Variants in RFX3 observed in about 807,000 individuals in gnomAD.
RFX3 encodes transcription factor RFX3.
Under a neutral mutation model 98.6 loss-of-function variants are expected in RFX3, and 14 were observed. The observed-to-expected ratio is 0.14, with a 90% CI of 0.09 to 0.22. The LOEUF (loss-of-function observed/expected upper bound fraction) is 0.22. Among genes scored for constraint, RFX3 ranks in the 10% least tolerant of loss-of-function variants. The pLI is 1.00. For missense variants in RFX3, 639 were observed against 926.9 expected (o/e 0.69, Z 4.03); for synonymous variants, 383 against 328.4 (o/e 1.17, Z -1.80).
At chr9:3,416,988 A>C (rs1843039829) in intron 1 of RFX3, among the ~76,000 whole-genome samples, 1 of 152,068 alleles carries the variant, frequency 6.6e-6, no homozygotes. Context: ...TTCTACAAGA[A>C]ATGCACTTTA....
chr9:3,309,533 A>G, intron 4 of RFX3, among the ~76,000 whole-genome samples: 1 of 151,810 alleles, frequency 6.6e-6, no homozygotes, highest in Non-Finnish European at 1.5e-5. Context: ...GCATCAAAAA[A>G]GAGATTTTGG....
At chr9:3,253,280 T>G (rs1315645773) in intron 14 of RFX3, among the ~76,000 whole-genome samples, 1 of 152,246 alleles carries the variant, frequency 6.6e-6, no homozygotes, top group Non-Finnish European at 1.5e-5. Context: ...GATCCTTATG[T>G]GAACTCACTC....
At chr9:3,315,941 G>C (rs970761699) in intron 4 of RFX3, among the ~76,000 whole-genome samples, 1 of 152,142 alleles carries the variant, frequency 6.6e-6, no homozygotes, top group Non-Finnish European at 1.5e-5. Context: ...AATTCTACTA[G>C]AGGTACAAAG....
chr9:3,310,739 G>A lies in RFX3; in HGVS notation c.475-9119C>T, dbSNP rs530954087. Among the ~76,000 whole-genome samples, 13 of 152,184 alleles carry A rather than the reference G, an allele frequency of 8.5e-5. No homozygotes were observed. In the South Asian group the frequency reaches 2.3e-3, roughly 27 times the overall value. On this transcript the variant is annotated intron_variant, in intron 4 of 16. Coordinates refer to ENST00000617270, the MANE Select transcript of RFX3 (RefSeq NM_001282116.2). Reference sequence around the variant, plus strand: ...CTTGAGATGTGTAGAACTTTCTTGGGTATTAACTATGAAATTGAAATCCAA... The same window carrying A: ...CTTGAGATGTGTAGAACTTTCTTGGATATTAACTATGAAATTGAAATCCAA...
chr9:3,318,548 TAA>T (rs375374826), intron 4 of RFX3, among the ~76,000 whole-genome samples: 16 of 133,978 alleles, frequency 1.2e-4, no homozygotes, highest in Middle Eastern at 3.8e-3. Flanking sequence ...AAATTAAAAT[TAA>T]AAAAAAAAAA....
At chr9:3,386,420 T>C (rs1198359555) in intron 2 of RFX3, among the ~76,000 whole-genome samples, 2 of 152,120 alleles carry the variant, frequency 1.3e-5, no homozygotes, top group Admixed American at 6.6e-5. Context: ...TTTTTAGCTA[T>C]AAATGAGCAA....
At chr9:3,461,918 A>C (rs1847722186) in intron 1 of RFX3, among the ~76,000 whole-genome samples, 2 of 151,988 alleles carry the variant, frequency 1.3e-5, no homozygotes, top group Admixed American at 1.3e-4. Context: ...TCTGAAAGGG[A>C]GAACACACCC....
chr9:3,225,221 G>C lies in RFX3; in HGVS notation c.2071C>G (p.Gln691Glu). 1 of 1,613,828 alleles carries C rather than the reference G, an allele frequency of 6.2e-7. No homozygotes were observed. Among genetic ancestry groups the C allele is most frequent in the South Asian group, 1.1e-5 (1 of 91,078 alleles). Residue 691 changes from glutamine to glutamate, a missense_variant, in exon 17 of 17, where the codon CAA (glutamine) becomes GAA (glutamate). Coordinates refer to ENST00000617270, the MANE Select transcript of RFX3 (RefSeq NM_001282116.2). ...DEELDDSSEP[Q>E]AKREKTELSQ... Reference sequence around the variant, plus strand: ...AGCTCTGTTTTCTCTCTTTTGGCTTGAGGCTCTGAAGAGTCATCCAGTTCT... The same window carrying C: ...AGCTCTGTTTTCTCTCTTTTGGCTTCAGGCTCTGAAGAGTCATCCAGTTCT...
chr9:3,504,193 TTATATATATTA>T (rs1377283747), intron 1 of RFX3, among the ~76,000 whole-genome samples: 2 of 92,406 alleles, frequency 2.2e-5, no homozygotes, highest in Non-Finnish European at 3.5e-5. Flanking sequence ...ATATTATATA[TTATATATATTA>T]TATATATTAT....
intron 14 of RFX3, among the ~76,000 whole-genome samples, chr9:3,255,291 A>G (rs1586757965): frequency 1.3e-5 from 2 of 152,222 alleles, no homozygotes; most frequent in Non-Finnish European, 2.9e-5. Context: ...CAATATGGAA[A>G]TCCTATAGTC....
chr9:3,491,406 C>T (rs1171712422), intron 1 of RFX3, among the ~76,000 whole-genome samples: 1 of 152,138 alleles, frequency 6.6e-6, no homozygotes, highest in Non-Finnish European at 1.5e-5. Flanking sequence ...TATTTTCTGA[C>T]ATGAGGCCTT....
At chr9:3,414,048 T>C (rs961835343) in intron 1 of RFX3, among the ~76,000 whole-genome samples, 31 of 152,224 alleles carry the variant, frequency 2.0e-4, no homozygotes, top group African/African-American at 7.5e-4. Flanking sequence ...ATAAACTTAA[T>C]ACTTTAATTT....
chr9:3,300,808 T>C (rs1052488860), intron 5 of RFX3, among the ~76,000 whole-genome samples: 3 of 152,070 alleles, frequency 2.0e-5, no homozygotes, highest in African/African-American at 7.2e-5. Context: ...AGCATTTTCA[T>C]TGGTTTCCCA....
intron 9 of RFX3, among the ~76,000 whole-genome samples, chr9:3,273,652 T>C (rs1824804138): frequency 6.6e-6 from 1 of 152,024 alleles, no homozygotes. Flanking sequence ...TCACTTCAGG[T>C]CAGGAGTTCA....
At chr9:3,391,155 C>G (rs1431516038) in intron 2 of RFX3, among the ~76,000 whole-genome samples, 1 of 152,058 alleles carries the variant, frequency 6.6e-6, no homozygotes, top group African/African-American at 2.4e-5. Context: ...AGGCATTTTA[C>G]TATAGTTTGC....
At chr9:3,513,898 G>C (rs1330962652) in intron 1 of RFX3, among the ~76,000 whole-genome samples, 1 of 152,098 alleles carries the variant, frequency 6.6e-6, no homozygotes, top group Non-Finnish European at 1.5e-5. Context: ...CTACTATACA[G>C]CTCTACTCAT....
At chr9:3,255,470 T>G (rs1013359974) in intron 14 of RFX3, among the ~76,000 whole-genome samples, 1 of 152,232 alleles carries the variant, frequency 6.6e-6, no homozygotes, top group South Asian at 2.1e-4. Context: ...CTTTCTGATA[T>G]GTGCATGGCT....
At chr9:3,324,761 G>C (rs11790681) in intron 4 of RFX3, among the ~76,000 whole-genome samples, 7,887 of 152,106 alleles carry the variant, frequency 0.052, 276 homozygotes, top group Non-Finnish European at 0.077. Flanking sequence ...TCAGGAGTTT[G>C]AGACCAGTGT....
intron 2 of RFX3, among the ~76,000 whole-genome samples, chr9:3,348,876 G>C (rs1385991356): frequency 6.6e-6 from 1 of 151,908 alleles, no homozygotes; most frequent in East Asian, 1.9e-4. Flanking sequence ...GCTACTTTCT[G>C]TTATAACAAG....
Sources: gnomAD v4.1 joint callset for allele counts (sites outside exome capture counted in the v4.1 genomes callset) on GRCh38, gnomAD v4.1.1 for gene constraint, MANE v1.5 for transcripts, NCBI Gene and HGNC (gene_info 2026-07-23, HGNC 2026-07-21) for gene names.